Variants in CFAP46 observed in about 807,000 individuals in gnomAD.
CFAP46 encodes the protein cilia and flagella associated protein 46.
In CFAP46, 245 loss-of-function variants were observed where a neutral mutation model predicts 325.7. The observed-to-expected ratio is 0.75, with a 90% CI of 0.68 to 0.84. CFAP46 has a LOEUF of 0.84. Ranked by LOEUF, CFAP46 falls within the 40% of genes least tolerant of loss-of-function variation. The pLI, the probability that CFAP46 is intolerant of heterozygous loss-of-function variation, is 0.00. For missense variants in CFAP46, 3,346 were observed against 3,543.0 expected (o/e 0.94, Z 1.41); for synonymous variants, 1,523 against 1,495.9 (o/e 1.02, Z -0.42).
At position 132,898,804 on chromosome 10, in the gene CFAP46, A is replaced by AC. The variant is rs751398856; in HGVS notation, c.3219+154dup. ...GCCCCCGCAGTGCTGGGACTTGGAG[A>AC]CCCCCCTTAACCCCCTCCCCTCCTC... On this transcript the variant is annotated intron_variant, in intron 24 of 57. Transcript: ENST00000368586. The AC allele has an allele frequency of 1.6e-4, 164 of 1,012,306 alleles. 2 individuals carry two copies. The highest frequency in any genetic ancestry group is 6.2e-4 in the South Asian group (45 of 72,226). 62.7% of individuals were successfully genotyped at this position (1,012,306 alleles called of 1,614,324 possible).
chr10:132,865,978 C>T (rs1320593672), intron 35 of CFAP46, 47 bp downstream of exon 35: 9 of 1,446,168 alleles, frequency 6.2e-6, no homozygotes, highest in Admixed American at 2.6e-5. Flanking sequence ...GTGCACAGTG[C>T]GCTGGGAGCG....
rs1479494974 is a variant in CFAP46, at chr10:132,884,692, CCAGGGCCCTG to C, written c.3627+401_3627+410del. On this transcript the variant is annotated intron_variant, in intron 27 of 57. Transcript: ENST00000368586. The surrounding 1 kb of genome is among the most constrained non-coding windows in gnomAD (Gnocchi z 5.4). ...CCAACATCCCCAGAACGCCCACATC[CCAGGGCCCTG>C]CAGAGCCCTGCTCTCCTGTGCAGCC... Among the ~76,000 whole-genome samples, 14 of 152,146 alleles carry C rather than the reference CCAGGGCCCTG, an allele frequency of 9.2e-5. No homozygotes were observed. The highest frequency in any genetic ancestry group is 3.9e-4 in the Admixed American group (6 of 15,292).
At position 132,857,584 on chromosome 10, in the gene CFAP46, G is replaced by A. The variant is rs1848660312; in HGVS notation, c.5574+6C>T. On this transcript the variant is annotated splice_donor_region_variant and intron_variant, in intron 39 of 57. Coordinates refer to ENST00000368586, the MANE Select transcript of CFAP46 (RefSeq NM_001200049.3). The stretch of plus-strand genomic sequence containing the variant: ...AGTGTGCACAGGAACCAGGACACCT[G>A]CTTACGTCTTGAAGTGACAATAGGC... The A allele has an allele frequency of 6.2e-7, 1 of 1,612,062 alleles. No homozygotes were observed. The highest frequency in any genetic ancestry group is 8.5e-7 in the Non-Finnish European group (1 of 1,179,582).
At chr10:132,853,454 A>G (rs1055868276) in intron 39 of CFAP46, among the ~76,000 whole-genome samples, 2 of 152,210 alleles carry the variant, frequency 1.3e-5, no homozygotes, top group East Asian at 3.9e-4. Context: ...TTTGCTCACA[A>G]GGAATGCTGG....
At chr10:132,909,889 C>G in intron 20 of CFAP46, 30 bp downstream of exon 20, 1 of 1,395,182 alleles carries the variant, frequency 7.2e-7, no homozygotes, top group East Asian at 2.9e-5. Flanking sequence ...GGGCCTCAGT[C>G]AGAGCCCAGA....
intron 50 of CFAP46, among the ~76,000 whole-genome samples, chr10:132,822,011 C>CGCT (rs1565035822): frequency 2.9e-5 from 3 of 104,544 alleles, no homozygotes; most frequent in South Asian, 6.7e-4. Context: ...GCTGTGTGTG[C>CGCT]TGATGTGTGC....
intron 6 of CFAP46, 133 bp downstream of exon 6, chr10:132,937,417 TAA>T: frequency 1.0e-6 from 1 of 960,174 alleles, no homozygotes; most frequent in Non-Finnish European, 1.6e-6. Flanking sequence ...TATGCTTATG[TAA>T]TTTTGTTCAT....
rs762707957 is a variant in CFAP46 at position 132,833,437 on chromosome 10, G to A, written c.7038C>T (p.Phe2346=). Residue 2346 remains phenylalanine, a synonymous_variant, in exon 50 of 58, where the codon TTC becomes TTT. Transcript: ENST00000368586. The stretch of plus-strand genomic sequence containing the variant: ...ACACAGAGGAAATTGTCCCTTCATC[G>A]AACACAGAGAGACCTTCCAGTGGCA... The part of the protein sequence containing the change: ...LELPLEGLSV[F]DEGTISSVSR... 15 of 1,614,138 alleles carry A rather than the reference G, an allele frequency of 9.3e-6. No homozygotes were observed. The highest frequency in any genetic ancestry group is 8.3e-5 in the Admixed American group (5 of 60,028).
rs529687461 is a variant in CFAP46 at position 132,936,916 on chromosome 10, C to A, written c.755+45G>T. 11 of 1,228,060 alleles carry A rather than the reference C, an allele frequency of 9.0e-6. No individual in the cohort carries two copies. The East Asian group carries it at 2.5e-4, about 28-fold the overall frequency. 76.1% of individuals were successfully genotyped at this position (1,228,060 alleles called of 1,614,324 possible). A position where few individuals can be genotyped will look rare whatever the true frequency, so the allele number is the denominator to read the frequency against. On this transcript the variant is annotated intron_variant, in intron 7 of 57. Coordinates refer to ENST00000368586, the MANE Select transcript of CFAP46 (RefSeq NM_001200049.3). ...GGGGACAGAGCTCTCCCAAGCCCAG[C>A]ACTTGTGAAACTCAGTATTTGCTCT...
intron 50 of CFAP46, among the ~76,000 whole-genome samples, chr10:132,819,088 T>C (rs751571978): frequency 1.4e-4 from 22 of 152,154 alleles, no homozygotes; most frequent in Non-Finnish European, 3.1e-4. Context: ...TACTATACAT[T>C]ACAATGAACT....
intron 45 of CFAP46, among the ~76,000 whole-genome samples, chr10:132,836,530 C>T (rs960145572): frequency 6.6e-6 from 1 of 152,234 alleles, no homozygotes; most frequent in African/African-American, 2.4e-5. Flanking sequence ...GTCCTGCTCT[C>T]GGCTCCACCA....
At chr10:132,936,059 T>G in intron 7 of CFAP46, among the ~76,000 whole-genome samples, 1 of 29,506 alleles carries the variant, frequency 3.4e-5, no homozygotes, top group Non-Finnish European at 6.0e-5. Flanking sequence ...CCAAACACAC[T>G]GTGATCTCCT....
chr10:132,867,112 A>C (rs1030235172), intron 34 of CFAP46, among the ~76,000 whole-genome samples: 2 of 150,848 alleles, frequency 1.3e-5, no homozygotes, highest in African/African-American at 2.4e-5. Flanking sequence ...AGCCCCACAC[A>C]AACAGACACA....
chr10:132,826,389 A>G (rs1368871065), intron 50 of CFAP46, among the ~76,000 whole-genome samples: 22 of 118,928 alleles, frequency 1.8e-4, no homozygotes, highest in South Asian at 6.2e-4. Context: ...CCAGAGCCAC[A>G]GAGACCAGCC....
In CFAP46 at chr10:132,847,932, G is replaced by A. The variant is rs1229247145; in HGVS notation, c.5953-611C>T. Among the ~76,000 whole-genome samples the A allele has an allele frequency of 1.3e-5, 2 of 152,208 alleles. No individual in the cohort carries two copies. The highest frequency in any genetic ancestry group is 2.9e-5 in the Non-Finnish European group (2 of 68,042). On this transcript the variant is annotated intron_variant, in intron 41 of 57. Transcript: ENST00000368586. This position sits in a 1 kb window ranked among gnomAD's most constrained non-coding sequence, Gnocchi z 5.2. ...GGACATGTCCCCGTTCTAGTAGGCTGCCTGAATGCAGGCAAAAACCAGCAA... is the reference window on the plus strand; with the variant it reads ...GGACATGTCCCCGTTCTAGTAGGCTACCTGAATGCAGGCAAAAACCAGCAA...
At position 132,847,027 on chromosome 10, in the gene CFAP46, G is replaced by T. The variant is rs748541524; in HGVS notation, c.6172C>A (p.Leu2058Ile). ...CTGGCGGCTGCTGCGACATCCAGGAGGCCACTGCCAAGGGCCACCTGTAGG... is the reference window on the plus strand; with the variant it reads ...CTGGCGGCTGCTGCGACATCCAGGATGCCACTGCCAAGGGCCACCTGTAGG... ...QCLQVALGSGLLDVAAAASLE... is the reference protein window; with the variant it reads ...QCLQVALGSGILDVAAAASLE... The change falls in exon 43 of 58, where the codon CTC becomes ATC. Residue 2058 changes from leucine to isoleucine, a missense_variant. By Grantham distance (5) the Leu-to-Ile change is conservative. Coordinates refer to ENST00000368586, the MANE Select transcript of CFAP46 (RefSeq NM_001200049.3). The surrounding 1 kb of genome is among the most constrained non-coding windows in gnomAD (Gnocchi z 5.2). 15 of 1,611,774 alleles carry T rather than the reference G, an allele frequency of 9.3e-6. No homozygotes were observed. In the Admixed American group the frequency reaches 2.5e-4, roughly 27 times the overall value.
intron 22 of CFAP46, among the ~76,000 whole-genome samples, chr10:132,907,944 T>C (rs1354465871): frequency 6.6e-6 from 1 of 152,220 alleles, no homozygotes; most frequent in African/African-American, 2.4e-5. Flanking sequence ...TCCGGAACTG[T>C]GAGCAGGAAC....
At position 132,912,670 on chromosome 10, in the gene CFAP46, G is replaced by T. The variant is rs779272299; in HGVS notation, c.2484C>A (p.Ile828=). 6.5e-7 allele frequency: 1 copy of T among 1,541,318 alleles called. No individual in the cohort carries two copies. Among genetic ancestry groups the T allele is most frequent in the South Asian group, 1.2e-5 (1 of 83,874 alleles). The change falls in exon 19 of 58, where the codon ATC becomes ATA. Residue 828 remains isoleucine (I), a synonymous_variant. Transcript: ENST00000368586. ...SPLDAGATSE[I]KTAVEVCEFA... The stretch of plus-strand genomic sequence containing the variant: ...GAGGTGGTACCTCCACCGCTGTTTT[G>T]ATCTCGGAAGTGGCTCCTGCGTCCA...
At chr10:132,824,742 T>C (rs1420479986) in intron 50 of CFAP46, among the ~76,000 whole-genome samples, 2 of 104,802 alleles carry the variant, frequency 1.9e-5, no homozygotes, top group African/African-American at 8.4e-5. Context: ...GTGTGTGTGC[T>C]GTGTGCTGTG....
Sources: gnomAD v4.1 joint callset for allele counts (sites outside exome capture counted in the v4.1 genomes callset) on GRCh38, gnomAD v4.1.1 for gene constraint, Gnocchi (gnomAD v3.1) non-coding constraint, MANE v1.5 for transcripts, NCBI Gene and HGNC (gene_info 2026-07-23, HGNC 2026-07-21) for gene names.